The following RALGPS2 variants were observed in gnomAD, a reference collection of about 807,000 sequenced individuals.
RALGPS2 encodes the protein ras-specific guanine nucleotide-releasing factor RalGPS2.
A neutral mutation model predicts 86.8 loss-of-function variants in RALGPS2; 43 were observed. That is an observed-to-expected ratio of 0.50 (90% confidence interval 0.39 to 0.64). The LOEUF (loss-of-function observed/expected upper bound fraction) is 0.64, where lower values mean the gene tolerates loss of function less well. Among genes scored for constraint, RALGPS2 ranks in the 30% least tolerant of loss-of-function variants. The pLI, the probability that RALGPS2 is intolerant of heterozygous loss-of-function variation, is 0.00. For synonymous variants in RALGPS2, 243 were observed against 231.3 expected (o/e 1.05, Z -0.46); for missense variants, 536 against 694.6 (o/e 0.77, Z 2.57).
intron 4 of RALGPS2, among the ~76,000 whole-genome samples, chr1:178,788,794 T>G (rs1014609062): frequency 6.6e-6 from 1 of 151,064 alleles, no homozygotes; most frequent in Admixed American, 6.6e-5. Flanking sequence ...TCTCTTCTCT[T>G]CTTTTCTTTC....
At chr1:178,728,928 C>T (rs142511138) in intron 1 of RALGPS2, among the ~76,000 whole-genome samples, 1 of 152,244 alleles carries the variant, frequency 6.6e-6, no homozygotes, top group Non-Finnish European at 1.5e-5. Flanking sequence ...AGTCACTTTA[C>T]TAAGTAGCTA....
intron 4 of RALGPS2, among the ~76,000 whole-genome samples, chr1:178,804,256 T>C (rs1409184401): frequency 1.4e-5 from 2 of 147,248 alleles, no homozygotes; most frequent in Non-Finnish European, 3.0e-5. Flanking sequence ...GTTTCTTCTT[T>C]TTTTTTTTTT....
chr1:178,861,663 T>C (rs1658021016), intron 8 of RALGPS2, among the ~76,000 whole-genome samples: 1 of 152,182 alleles, frequency 6.6e-6, no homozygotes, highest in African/African-American at 2.4e-5. Flanking sequence ...GTATACCTCA[T>C]CAGTTAAAAA....
intron 8 of RALGPS2, among the ~76,000 whole-genome samples, chr1:178,844,872 G>T (rs1310993335): frequency 6.6e-6 from 1 of 152,104 alleles, no homozygotes; most frequent in Non-Finnish European, 1.5e-5. Flanking sequence ...CAAAGATGCA[G>T]TAGCTCGACC....
At chr1:178,897,130 A>T (rs1659984150) in intron 16 of RALGPS2, among the ~76,000 whole-genome samples, 1 of 152,058 alleles carries the variant, frequency 6.6e-6, no homozygotes, top group African/African-American at 2.4e-5. Context: ...GGCGAAGGAC[A>T]TGAACAGACA....
intron 4 of RALGPS2, among the ~76,000 whole-genome samples, chr1:178,787,747 A>G (rs1016947899): frequency 3.3e-5 from 5 of 152,204 alleles, no homozygotes; most frequent in Admixed American, 1.3e-4. Context: ...TTAACCTCCT[A>G]AGTACCTTAT....
chr1:178,802,880 C>G (rs1015672048), intron 4 of RALGPS2, among the ~76,000 whole-genome samples: 5 of 151,992 alleles, frequency 3.3e-5, no homozygotes, highest in African/African-American at 1.2e-4. Context: ...CTAGCTTTTT[C>G]TTAATTTTTC....
At chr1:178,898,714 T>C (rs981265038) in intron 17 of RALGPS2, among the ~76,000 whole-genome samples, 1 of 151,994 alleles carries the variant, frequency 6.6e-6, no homozygotes, top group African/African-American at 2.4e-5. Flanking sequence ...TGGGATCATA[T>C]ATATTCTTAA....
At chr1:178,884,633 C>T (rs971464385) in intron 11 of RALGPS2, among the ~76,000 whole-genome samples, 3 of 152,184 alleles carry the variant, frequency 2.0e-5, no homozygotes, top group Admixed American at 1.3e-4. Context: ...TAAGCCTGAA[C>T]AGTGTCAGTG....
intron 1 of RALGPS2, among the ~76,000 whole-genome samples, chr1:178,769,621 G>A (rs80221654): frequency 1.3e-5 from 2 of 152,100 alleles, no homozygotes; most frequent in African/African-American, 4.8e-5. Context: ...GCTGCACCAC[G>A]ATCTTAGGAG....
intron 1 of RALGPS2, among the ~76,000 whole-genome samples, chr1:178,769,929 G>A (rs78187250): frequency 0.044 from 6,626 of 151,958 alleles, 251 homozygotes; most frequent in African/African-American, 0.1. Flanking sequence ...ATCAGCCTGT[G>A]TTCTCCTTCC....
intron 8 of RALGPS2, chr1:178,849,995 A>G (rs983616129): frequency 6.5e-6 from 1 of 152,690 alleles, no homozygotes; most frequent in African/African-American, 2.4e-5. Flanking sequence ...CCAGAAAGTC[A>G]CTAGTAAAGT....
intron 8 of RALGPS2, among the ~76,000 whole-genome samples, chr1:178,856,202 G>GAGAGAGATATATATATATAT (rs1428022812): frequency 1.2e-5 from 1 of 83,912 alleles, no homozygotes; most frequent in African/African-American, 6.4e-5. Context: ...GAGAGAGAGA[G>GAGAGAGATATATATATATAT]ATATATATAT....
chr1:178,834,845 G>A (rs1267300981), intron 8 of RALGPS2, among the ~76,000 whole-genome samples: 2 of 152,110 alleles, frequency 1.3e-5, no homozygotes, highest in South Asian at 2.1e-4. Flanking sequence ...AAGTGCGATC[G>A]CTGCTTGCTG....
At chr1:178,825,365 G>C (rs1375045773) in intron 7 of RALGPS2, among the ~76,000 whole-genome samples, 1 of 152,112 alleles carries the variant, frequency 6.6e-6, no homozygotes, top group Non-Finnish European at 1.5e-5. Context: ...CAGTGAAAAG[G>C]TAGGCTGGTC....
chr1:178,779,418 G>A (rs1426322430), intron 2 of RALGPS2, among the ~76,000 whole-genome samples: 1 of 152,062 alleles, frequency 6.6e-6, no homozygotes, highest in Non-Finnish European at 1.5e-5. Context: ...TGACCTCAAA[G>A]TTCCTTAATA....
At chr1:178,862,108 A>G (rs575017287) in intron 8 of RALGPS2, among the ~76,000 whole-genome samples, 2 of 152,176 alleles carry the variant, frequency 1.3e-5, no homozygotes, top group Admixed American at 6.5e-5. Flanking sequence ...CCTGACCTCA[A>G]GTGATCCGTC....
At chr1:178,836,351 AT>A (rs1414121569) in intron 8 of RALGPS2, among the ~76,000 whole-genome samples, 1 of 151,982 alleles carries the variant, frequency 6.6e-6, no homozygotes, top group Admixed American at 6.6e-5. Flanking sequence ...CGTATCTTCC[AT>A]TTTTCCCATC....
intron 16 of RALGPS2, 44 bp from the exon 17 acceptor site, chr1:178,897,620 C>A (rs1362640833): frequency 6.8e-7 from 1 of 1,470,502 alleles, no homozygotes; most frequent in Non-Finnish European, 9.5e-7. Flanking sequence ...AACTAAGAAG[C>A]CAGGAGCATT....
Sources: gnomAD v4.1 joint callset for allele counts (sites outside exome capture counted in the v4.1 genomes callset) on GRCh38, gnomAD v4.1.1 for gene constraint, MANE v1.5 for transcripts, NCBI Gene and HGNC (gene_info 2026-07-23, HGNC 2026-07-21) for gene names.